The following SLC14A2 variants were observed in gnomAD, a reference collection of about 807,000 sequenced individuals.
SLC14A2 encodes the protein urea transporter 2.
Under a neutral mutation model 104.6 loss-of-function variants are expected in SLC14A2, and 91 were observed. That is an observed-to-expected ratio of 0.87 (90% CI 0.73 to 1.04). The LOEUF is 1.04. Ranked by LOEUF, SLC14A2 falls within the 50% of genes least tolerant of loss-of-function variation. The probability of loss-of-function intolerance (pLI) is 0.00; values close to 1 mark genes in which losing one functional copy is unlikely to be tolerated. For missense variants in SLC14A2, 1,189 were observed against 1,156.0 expected (o/e 1.03, Z -0.41); for synonymous variants, 476 against 466.4 (o/e 1.02, Z -0.27).
intron 2 of SLC14A2, among the ~76,000 whole-genome samples, chr18:45,609,358 T>A (rs1273530256): frequency 9.1e-6 from 1 of 110,316 alleles, no homozygotes; most frequent in Non-Finnish European, 2.0e-5. Context: ...TTTGTGCCAA[T>A]CATAACTACA....
chr18:45,629,699 T>C (rs2045315392), intron 4 of SLC14A2, among the ~76,000 whole-genome samples: 1 of 152,128 alleles, frequency 6.6e-6, no homozygotes, highest in African/African-American at 2.4e-5. Flanking sequence ...CTGGTAAACA[T>C]GCCAAGCCAT....
intron 1 of SLC14A2, among the ~76,000 whole-genome samples, chr18:45,288,807 C>T (rs2084841216): frequency 6.6e-6 from 1 of 152,232 alleles, no homozygotes; most frequent in African/African-American, 2.4e-5. Context: ...CCCCGCCTGC[C>T]TCCCTGCTCT....
At chr18:45,570,924 A>C (rs765190545) in intron 2 of SLC14A2, among the ~76,000 whole-genome samples, 36 of 152,260 alleles carry the variant, frequency 2.4e-4, no homozygotes, top group Admixed American at 6.5e-5. Context: ...AAGTGCTTAC[A>C]GTAGTGCCAT....
chr18:45,322,274 T>C (rs1043398599), intron 1 of SLC14A2, among the ~76,000 whole-genome samples: 3 of 152,196 alleles, frequency 2.0e-5, no homozygotes, highest in Non-Finnish European at 2.9e-5. Flanking sequence ...TCAACATAAT[T>C]AGAGCCTGGA....
rs762216252 is a variant in SLC14A2, at chr18:45,644,036, C to A, written c.1227C>A (p.Phe409Leu). 22 of 1,614,238 alleles carry A rather than the reference C, an allele frequency of 1.4e-5. No individual in the cohort carries two copies. The Middle Eastern group carries it at 6.6e-4, about 48-fold the overall frequency. Residue 409 changes from phenylalanine to leucine, a missense_variant, in exon 10 of 20, where the codon TTC (phenylalanine) becomes TTA (leucine). By Grantham distance (22) the Phe-to-Leu change is conservative. Transcript: ENST00000255226. ...CCTTCTGCCTTGCCACCATCATCTT[C>A]CTGCTCCTGACGACAAACAACCCAG... ...TWAFCLATII[F>L]LLLTTNNPAI...
intron 2 of SLC14A2, among the ~76,000 whole-genome samples, chr18:45,536,485 G>A (rs1321625776): frequency 1.3e-5 from 2 of 152,152 alleles, no homozygotes; most frequent in African/African-American, 2.4e-5. Flanking sequence ...CTGTTGGCTT[G>A]TGGATGCATC....
chr18:45,460,998 A>G (rs2087035449), intron 1 of SLC14A2, among the ~76,000 whole-genome samples: 1 of 152,060 alleles, frequency 6.6e-6, no homozygotes, highest in African/African-American at 2.4e-5. Flanking sequence ...ACCTGACCCA[A>G]CCTTTCCTAT....
At chr18:45,606,734 TAAA>T (rs781251287) in intron 2 of SLC14A2, among the ~76,000 whole-genome samples, 1 of 76,614 alleles carries the variant, frequency 1.3e-5, no homozygotes, top group African/African-American at 4.3e-5. Flanking sequence ...AAAGTCTAAT[TAAA>T]AAAAAAAAAA....
At chr18:45,447,958 G>A (rs1014362934) in intron 1 of SLC14A2, among the ~76,000 whole-genome samples, 2 of 152,144 alleles carry the variant, frequency 1.3e-5, no homozygotes, top group African/African-American at 2.4e-5. Context: ...AATAAATGAG[G>A]GACAACCCTC....
chr18:45,629,379 T>C (rs2045310447), intron 4 of SLC14A2, among the ~76,000 whole-genome samples: 2 of 152,222 alleles, frequency 1.3e-5, no homozygotes, highest in Admixed American at 1.3e-4. Context: ...GCCAGGTTCC[T>C]GTGTCTCCTT....
chr18:45,448,187 A>G (rs2086801971), intron 1 of SLC14A2, among the ~76,000 whole-genome samples: 1 of 152,200 alleles, frequency 6.6e-6, no homozygotes, highest in South Asian at 2.1e-4. Flanking sequence ...GTTGATTTAG[A>G]AGCAAAATAA....
the SLC14A2 span, among the ~76,000 whole-genome samples, chr18:45,197,369 G>A: frequency 1.1e-4 from 17 of 152,280 alleles, no homozygotes; most frequent in East Asian, 9.6e-4. Flanking sequence ...TCCAACTGAT[G>A]AGGAAAAAGT....
intron 1 of SLC14A2, among the ~76,000 whole-genome samples, chr18:45,408,689 A>G (rs528049188): frequency 6.6e-6 from 1 of 152,302 alleles, no homozygotes; most frequent in Non-Finnish European, 1.5e-5. Flanking sequence ...CACAGAGAGG[A>G]TTTCCCCACA....
At chr18:45,406,561 T>C (rs1185902961) in intron 1 of SLC14A2, among the ~76,000 whole-genome samples, 1 of 152,122 alleles carries the variant, frequency 6.6e-6, no homozygotes, top group East Asian at 1.9e-4. Context: ...TCCAGAAGGT[T>C]TTTTTTTACT....
chr18:45,544,533 A>G (rs1240729082), intron 2 of SLC14A2, among the ~76,000 whole-genome samples: 1 of 152,128 alleles, frequency 6.6e-6, no homozygotes, highest in Admixed American at 6.5e-5. Context: ...AACTTTTTGG[A>G]TGAAATATGT....
intron 1 of SLC14A2, among the ~76,000 whole-genome samples, chr18:45,260,682 C>T (rs977646272): frequency 2.6e-5 from 4 of 152,114 alleles, no homozygotes; most frequent in African/African-American, 9.7e-5. Flanking sequence ...AGCTGGAGGG[C>T]ATTATCCTTG....
intron 1 of SLC14A2, among the ~76,000 whole-genome samples, chr18:45,482,251 G>T (rs2087508261): frequency 6.6e-6 from 1 of 152,144 alleles, no homozygotes; most frequent in Non-Finnish European, 1.5e-5. Context: ...TAACCAAAAT[G>T]TGCAGCAACA....
chr18:45,214,183 T>C (rs1234647333), intron 1 of SLC14A2, among the ~76,000 whole-genome samples: 1 of 152,198 alleles, frequency 6.6e-6, no homozygotes, highest in Admixed American at 6.5e-5. Context: ...TTTTACTCTT[T>C]GTGTGTATGT....
At chr18:45,383,563 T>C (rs1406463227) in intron 1 of SLC14A2, among the ~76,000 whole-genome samples, 1 of 152,180 alleles carries the variant, frequency 6.6e-6, no homozygotes, top group Non-Finnish European at 1.5e-5. Context: ...CCTCAACATT[T>C]TCATGTAGGC....
Sources: allele counts gnomAD v4.1 joint callset (sites outside exome capture counted in the v4.1 genomes callset), GRCh38; gene constraint gnomAD v4.1.1; transcripts MANE v1.5; gene names NCBI Gene and HGNC (gene_info 2026-07-23, HGNC 2026-07-21).